Variants in C11orf65 observed in about 807,000 individuals in gnomAD.
The protein encoded by C11orf65 is protein MFI.
Under a neutral mutation model 35.3 loss-of-function variants are expected in C11orf65, and 38 were observed. The ratio of observed to expected loss-of-function variants is 1.08; its 90% CI spans 0.83 to 1.41. C11orf65 has a LOEUF of 1.41. C11orf65 is among the 40% of genes most tolerant of loss of function. C11orf65 has a pLI of 0.00. For missense variants in C11orf65, 370 were observed against 367.1 expected, an observed-to-expected ratio of 1.01 and a Z score of -0.06; for synonymous variants, 105 against 114.4, an observed-to-expected ratio of 0.92 and a Z score of 0.53.
intron 6 of C11orf65, among the ~76,000 whole-genome samples, chr11:108,393,853 G>T (rs1447408818): frequency 6.6e-6 from 1 of 152,144 alleles, no homozygotes; most frequent in South Asian, 2.1e-4. Flanking sequence ...TTTGTGCCAG[G>T]TACTTTTCAT....
At position 108,406,834 on chromosome 11, in the gene C11orf65, G is replaced by A. The variant is rs2092549823; in HGVS notation, c.358C>T (p.Leu120Phe). 1.2e-6 allele frequency: 2 copies of A among 1,613,196 alleles called. No individual in the cohort carries two copies. Among genetic ancestry groups the A allele is most frequent in the African/African-American group, 1.3e-5 (1 of 74,894 alleles). Reference protein sequence around the residue: ...KHTSHNKNDHLQEEDHSGWYH... With the variant: ...KHTSHNKNDHFQEEDHSGWYH... ...CAGCCACTATGATCCTCTTCCTGAA[G>A]ATGATCATTTTTATTATGAGATGTA... Residue 120 changes from leucine to phenylalanine, a missense_variant, in exon 5 of 9, where the codon CTT becomes TTT. Physicochemically the swap from Leu to Phe is conservative, Grantham distance 22. Coordinates refer to ENST00000393084, the MANE Select transcript of C11orf65 (RefSeq NM_152587.5).
chr11:108,368,233 T>C (rs2138027722), intron 2 of C11orf65: 2 of 202,612 alleles, frequency 9.9e-6, no homozygotes, highest in Non-Finnish European at 2.0e-5. Context: ...GTAATTTTAG[T>C]AGAGACAGGG....
At chr11:108,321,408 A>T (rs2136243088) in intron 6 of C11orf65, 1 of 1,614,084 alleles carries the variant, frequency 6.2e-7, no homozygotes, top group Non-Finnish European at 8.5e-7. Context: ...AGCATTGGGG[A>T]GCTTTTCTCA....
chr11:108,394,179 C>CAAA (rs11387098), intron 6 of C11orf65, among the ~76,000 whole-genome samples: 26 of 82,532 alleles, frequency 3.2e-4, no homozygotes, highest in Admixed American at 9.6e-4. Flanking sequence ...GACTCCATCT[C>CAAA]AAAAAAAAAA....
intron 3 of C11orf65, among the ~76,000 whole-genome samples, chr11:108,427,508 A>T (rs192919986): frequency 0.022 from 3,287 of 151,392 alleles, 92 homozygotes; most frequent in African/African-American, 0.068. Context: ...TCACGAGGTC[A>T]GGAGATCGAG....
At chr11:108,336,840 CTT>C (rs1277127704) in intron 2 of C11orf65, among the ~76,000 whole-genome samples, 1 of 152,128 alleles carries the variant, frequency 6.6e-6, no homozygotes, top group Non-Finnish European at 1.5e-5. Flanking sequence ...ATCTTTGACT[CTT>C]ATATTAATTA....
intron 6 of C11orf65, among the ~76,000 whole-genome samples, chr11:108,401,036 G>A (rs2092429384): frequency 6.6e-6 from 1 of 152,062 alleles, no homozygotes; most frequent in Non-Finnish European, 1.5e-5. Flanking sequence ...TTGAACCTGG[G>A]AGGCAGAGGT....
chr11:108,382,839 T>G lies in C11orf65; in HGVS notation c.*182A>C. 1.0e-6 allele frequency: 1 copy of G among 984,560 alleles called. No individual in the cohort carries two copies. The highest frequency in any genetic ancestry group is 1.7e-5 in the African/African-American group (1 of 57,342). 61.0% of individuals were successfully genotyped at this position (984,560 alleles called of 1,614,324 possible). A position where few individuals can be genotyped will look rare whatever the true frequency, so the allele number is the denominator to read the frequency against. ...GAATACTAGGAATAATTTCTATATT[T>G]GCCATGATCATTGTATTCAGTCCAG... On this transcript the variant is annotated 3_prime_UTR_variant, in exon 9 of 9. Coordinates refer to ENST00000393084, the MANE Select transcript of C11orf65 (RefSeq NM_152587.5).
At chr11:108,457,141 A>G (rs1178767619) in intron 2 of C11orf65, among the ~76,000 whole-genome samples, 1 of 152,160 alleles carries the variant, frequency 6.6e-6, no homozygotes, top group Non-Finnish European at 1.5e-5. Flanking sequence ...ATATTCTTTA[A>G]ACCAATAAGG....
intron 3 of C11orf65, among the ~76,000 whole-genome samples, chr11:108,407,419 C>T (rs1303974670): frequency 1.3e-4 from 20 of 150,158 alleles, no homozygotes; most frequent in Admixed American, 1.2e-3. Context: ...TCAAGCGATG[C>T]TCCCATCTCA....
chr11:108,449,848 C>T (rs999711393), intron 2 of C11orf65, among the ~76,000 whole-genome samples: 4 of 151,738 alleles, frequency 2.6e-5, no homozygotes, highest in Non-Finnish European at 4.4e-5. Flanking sequence ...AGTGAACAGG[C>T]GACCTACAAA....
rs2089507361 is a variant in C11orf65 at position 108,353,829 on chromosome 11, G to A, written c.227-18537C>T. 6.2e-7 allele frequency: 1 copy of A among 1,614,086 alleles called. No individual in the cohort carries two copies. The highest frequency in any genetic ancestry group is 1.6e-4 in the Middle Eastern group (1 of 6,062). ...GAGACAGTTCCTTTTAGACTCACCA[G>A]AGATATTGTGGATGGCATGGGCATT... On this transcript the variant is annotated intron_variant, in intron 2 of 3. Coordinates refer to the C11orf65 transcript ENST00000524755.
chr11:108,411,053 T>A (rs2138734580), intron 3 of C11orf65, among the ~76,000 whole-genome samples: 1 of 152,238 alleles, frequency 6.6e-6, no homozygotes, highest in South Asian at 2.1e-4. Flanking sequence ...TATCTTTTTC[T>A]AGCTTGAAGT....
At chr11:108,310,669 A>G (rs2084076240) in intron 6 of C11orf65, among the ~76,000 whole-genome samples, 1 of 152,122 alleles carries the variant, frequency 6.6e-6, no homozygotes, top group Admixed American at 6.6e-5. Context: ...TCCTAACTTC[A>G]GTCAGATTAG....
chr11:108,333,698 A>G (rs7106001), intron 3 of C11orf65, among the ~76,000 whole-genome samples: 1 of 152,220 alleles, frequency 6.6e-6, no homozygotes, highest in Non-Finnish European at 1.5e-5. Flanking sequence ...TTGAAGCTAC[A>G]TTAACCACTG....
At chr11:108,334,837 G>A (rs1012958080) in intron 3 of C11orf65, 5 of 1,076,960 alleles carry the variant, frequency 4.6e-6, no homozygotes, top group Middle Eastern at 2.9e-4. Flanking sequence ...GCCTAAAGTT[G>A]TAGTTCTTAA....
At chr11:108,355,821 G>C (rs1009625530) in intron 2 of C11orf65, 5 of 152,202 alleles carry the variant, frequency 3.3e-5, no homozygotes, top group Non-Finnish European at 5.9e-5. Flanking sequence ...CATTAAGCCT[G>C]TGGTCAATAA....
intron 1 of C11orf65, among the ~76,000 whole-genome samples, chr11:108,462,818 C>T (rs748244550): frequency 6.6e-6 from 1 of 152,136 alleles, no homozygotes; most frequent in Non-Finnish European, 1.5e-5. Context: ...ACAAATTTTG[C>T]TTAAAAGCTT....
At chr11:108,407,261 A>C in intron 3 of C11orf65, 112 bp from the exon 4 acceptor site, 1 of 851,778 alleles carries the variant, frequency 1.2e-6, no homozygotes, top group East Asian at 3.0e-5. Flanking sequence ...ACTATTTAGG[A>C]AATCAGTCAG....
Sources: gnomAD v4.1 joint callset for allele counts (sites outside exome capture counted in the v4.1 genomes callset) on GRCh38, gnomAD v4.1.1 for gene constraint, MANE v1.5 for transcripts, NCBI Gene and HGNC (gene_info 2026-07-23, HGNC 2026-07-21) for gene names.